CARF: variants seen among roughly 807,000 people sequenced by gnomAD.
CARF encodes calcium-responsive transcription factor.
Under a neutral mutation model 82.0 loss-of-function variants are expected in CARF, and 57 were observed. The observed-to-expected ratio is 0.70, with a 90% CI of 0.56 to 0.87. The LOEUF (loss-of-function observed/expected upper bound fraction) is 0.87. CARF is among the 40% of genes least tolerant of loss of function. The pLI, the probability that CARF is intolerant of heterozygous loss-of-function variation, is 0.00. For synonymous variants in CARF, 268 were observed against 290.1 expected, an observed-to-expected ratio of 0.92 and a Z score of 0.77; for missense variants, 771 against 855.8, an observed-to-expected ratio of 0.90 and a Z score of 1.24.
intron 5 of CARF, among the ~76,000 whole-genome samples, chr2:202,945,959 A>G (rs2058476363): frequency 1.3e-5 from 2 of 151,922 alleles, no homozygotes. Flanking sequence ...TTTCTCCACA[A>G]CCTCACTAGC....
At chr2:202,918,540 CAAAACAAAA>C (rs1204550023) in intron 2 of CARF, among the ~76,000 whole-genome samples, 2 of 150,588 alleles carry the variant, frequency 1.3e-5, no homozygotes, top group East Asian at 2.0e-4. Context: ...CAAAACAAAA[CAAAACAAAA>C]AAAACAAAAA....
chr2:202,926,609 G>T lies in CARF; in HGVS notation c.-44+2194G>T, dbSNP rs188551352. On this transcript the variant is annotated intron_variant, in intron 3 of 16. Coordinates refer to ENST00000438828, the MANE Select transcript of CARF (RefSeq NM_024744.17). The stretch of plus-strand genomic sequence containing the variant: ...CCTTTGCACTTCCGTATGAATTTTA[G>T]GATCAGATTCTCAATTTTAAAAAAC... Among the ~76,000 whole-genome samples, 5 of 152,212 alleles carry T rather than the reference G, an allele frequency of 3.3e-5. 1 individual carries two copies. The highest frequency in any genetic ancestry group is 7.4e-5 in the Non-Finnish European group (5 of 68,012).
intron 14 of CARF, among the ~76,000 whole-genome samples, chr2:202,978,356 T>C (rs2060117237): frequency 6.6e-6 from 1 of 150,964 alleles, no homozygotes; most frequent in South Asian, 2.1e-4. Flanking sequence ...GAGGAAGGAG[T>C]AGGGACTCCT....
intron 10 of CARF, among the ~76,000 whole-genome samples, chr2:202,969,044 C>T (rs566990884): frequency 2.0e-5 from 3 of 152,278 alleles, no homozygotes; most frequent in Admixed American, 2.0e-4. Flanking sequence ...AATCCCAGAA[C>T]TTTGGGAGGC....
chr2:202,925,264 C>G, intron 3 of CARF: 1 of 359,070 alleles, frequency 2.8e-6, no homozygotes, highest in South Asian at 2.5e-5. Context: ...CAAGGTAGAG[C>G]TGGAATCTCA....
Position 202,952,610 on chromosome 2 carries a change from C to T in CARF, c.358C>T (p.Pro120Ser), listed in dbSNP as rs1037500785. The change falls in exon 6 of 17, where the codon CCT (proline) becomes TCT (serine). Residue 120 changes from proline to serine, a missense_variant. Coordinates refer to ENST00000438828, the MANE Select transcript of CARF (RefSeq NM_024744.17). ...ENGQVLRVIP[P>S]TQTGMAQVII... The stretch of plus-strand genomic sequence containing the variant: ...TGGACAGGTACTTCGTGTAATTCCA[C>T]CTACCCAGACAGGAATGGCACAAGT... 6.2e-6 allele frequency: 10 copies of T among 1,613,510 alleles called. No individual in the cohort carries two copies. The highest frequency in any genetic ancestry group is 8.5e-6 in the Non-Finnish European group (10 of 1,179,858).
Position 202,915,188 on chromosome 2 carries a change from T to C in CARF, c.-330+2086T>C, listed in dbSNP as rs1249074967. Among the ~76,000 whole-genome samples, 3 of 151,564 alleles carry C rather than the reference T, an allele frequency of 2.0e-5. No individual in the cohort carries two copies. The South Asian group carries it at 6.3e-4, about 32-fold the overall frequency. ...CCTGCCACCATGCCCGGCTAATTTT[T>C]TGTATTTTAGTAGAGAAGGGGTTTC... On this transcript the variant is annotated intron_variant, in intron 1 of 16. Transcript: ENST00000438828.
chr2:202,925,319 A>T, intron 3 of CARF: 1 of 345,972 alleles, frequency 2.9e-6, no homozygotes, highest in Non-Finnish European at 5.7e-6. Context: ...ATTCAGCTGT[A>T]TGAAGAGGAG....
chr2:202,935,982 A>G (rs1693871477), intron 3 of CARF, among the ~76,000 whole-genome samples: 1 of 151,368 alleles, frequency 6.6e-6, no homozygotes, highest in South Asian at 2.1e-4. Flanking sequence ...ATACCCAGCT[A>G]ATTTGTTTTT....
At chr2:202,957,853 G>A (rs185231423) in intron 8 of CARF, among the ~76,000 whole-genome samples, 2 of 152,160 alleles carry the variant, frequency 1.3e-5, no homozygotes, top group East Asian at 1.9e-4. Flanking sequence ...TGCTGAGGCA[G>A]GAGAATCGCT....
intron 9 of CARF, among the ~76,000 whole-genome samples, chr2:202,966,616 A>G (rs540537339): frequency 2.7e-4 from 41 of 152,264 alleles, no homozygotes; most frequent in African/African-American, 9.4e-4. Context: ...AGGCTGAGGC[A>G]GGAGAACTGC....
At position 202,912,573 on chromosome 2, in the gene CARF, C is replaced by A. The variant is rs1688812666; in HGVS notation, c.-859C>A. Reference sequence around the variant, plus strand: ...GCCCCCAGCCGCAGCCGGTCACTGGCGGCGCCTTCCGCGCCAAGCTTGGGG... The same window carrying A: ...GCCCCCAGCCGCAGCCGGTCACTGGAGGCGCCTTCCGCGCCAAGCTTGGGG... On this transcript the variant is annotated 5_prime_UTR_variant, in exon 1 of 17. Coordinates refer to ENST00000438828, the MANE Select transcript of CARF (RefSeq NM_024744.17). The A allele has an allele frequency of 1.3e-5, 2 of 151,798 alleles. No individual in the cohort carries two copies. The highest frequency in any genetic ancestry group is 2.9e-5 in the Non-Finnish European group (2 of 67,918). 9.4% of individuals were successfully genotyped at this position (151,798 alleles called of 1,614,324 possible).
In CARF at chr2:202,985,059, A is replaced by C. The variant is rs2105955055; in HGVS notation, c.*1435A>C. 1 of 151,664 alleles carries C rather than the reference A, an allele frequency of 6.6e-6. No individual in the cohort carries two copies. Among genetic ancestry groups the C allele is most frequent in the African/African-American group, 2.4e-5 (1 of 41,498 alleles). 9.4% of individuals were successfully genotyped at this position (151,664 alleles called of 1,614,324 possible). ...TGACAAGAGAAAAACTCCATCTCAAAAAAAAAAAAAAGATTGGTAAACTAG... is the reference window on the plus strand; with the variant it reads ...TGACAAGAGAAAAACTCCATCTCAACAAAAAAAAAAAGATTGGTAAACTAG... On this transcript the variant is annotated 3_prime_UTR_variant, in exon 17 of 17. Coordinates refer to ENST00000438828, the MANE Select transcript of CARF (RefSeq NM_024744.17).
chr2:202,969,234 G>A (rs1201454747), intron 10 of CARF, among the ~76,000 whole-genome samples: 1 of 152,020 alleles, frequency 6.6e-6, no homozygotes, highest in Non-Finnish European at 1.5e-5. Context: ...TTATCAAGTG[G>A]ATTTAAGTAA....
chr2:202,946,161 A>G (rs991274066), intron 5 of CARF, among the ~76,000 whole-genome samples: 5 of 152,134 alleles, frequency 3.3e-5, no homozygotes, highest in Admixed American at 1.3e-4. Context: ...TAAATTTCAT[A>G]TGGAACCAAA....
chr2:202,981,771 T>C lies in CARF; in HGVS notation c.1689+86T>C, dbSNP rs1377436621. ...TTCTTCTCCTAGGGATTTTAGAGAA[T>C]TGTTACAGAATTATAATAATGATGA... On this transcript the variant is annotated intron_variant, in intron 15 of 16. Coordinates refer to ENST00000438828, the MANE Select transcript of CARF (RefSeq NM_024744.17). The C allele has an allele frequency of 3.3e-6, 4 of 1,204,530 alleles. No individual in the cohort carries two copies. The African/African-American group carries it at 4.6e-5, about 14-fold the overall frequency. 74.6% of individuals were successfully genotyped at this position (1,204,530 alleles called of 1,614,324 possible). A position where few individuals can be genotyped will look rare whatever the true frequency, so the allele number is the denominator to read the frequency against.
intron 3 of CARF, among the ~76,000 whole-genome samples, chr2:202,929,347 A>G (rs1369844506): frequency 6.6e-6 from 1 of 152,040 alleles, no homozygotes; most frequent in Non-Finnish European, 1.5e-5. Context: ...ATCCATTTTT[A>G]GTTGGTTTTT....
chr2:202,986,887 T>TATACATATATATATAC lies in CARF; in HGVS notation c.*3266_*3267insCATATATATATACATA, dbSNP rs1208375184. ...CTGTGCGTATATATATATATATATA[T>TATACATATATATATAC]ATATATATATATATATATATAGCAA... On this transcript the variant is annotated 3_prime_UTR_variant, in exon 17 of 17. Transcript: ENST00000438828. The TATACATATATATATAC allele has an allele frequency of 1.1e-5, 1 of 89,546 alleles. No individual in the cohort carries two copies. The allele number at this position is 89,546 out of a possible 1,614,324, so 5.5% of individuals were successfully genotyped here.
intron 8 of CARF, among the ~76,000 whole-genome samples, chr2:202,960,356 T>A (rs2059252495): frequency 1.3e-5 from 2 of 152,046 alleles, no homozygotes; most frequent in African/African-American, 4.8e-5. Context: ...TTCAAGGGAT[T>A]CTTGTGCCTC....
Sources: allele counts gnomAD v4.1 joint callset (sites outside exome capture counted in the v4.1 genomes callset), GRCh38; gene constraint gnomAD v4.1.1; transcripts MANE v1.5; gene names NCBI Gene and HGNC (gene_info 2026-07-23, HGNC 2026-07-21).